The following LRP2BP variants were observed in gnomAD, a reference collection of about 807,000 sequenced individuals.
LRP2BP encodes the protein LRP2 binding protein.
A neutral mutation model predicts 45.2 loss-of-function variants in LRP2BP; 38 were observed. The ratio of observed to expected loss-of-function variants is 0.84; its 90% CI spans 0.65 to 1.10. The LOEUF (loss-of-function observed/expected upper bound fraction) is 1.10. Among genes scored for constraint, LRP2BP ranks in the 50% least tolerant of loss-of-function variants. The pLI, the probability that LRP2BP is intolerant of heterozygous loss-of-function variation, is 0.00. For missense variants in LRP2BP, 385 were observed against 418.9 expected, an observed-to-expected ratio of 0.92 and a Z score of 0.71; for synonymous variants, 153 against 153.9, an observed-to-expected ratio of 0.99 and a Z score of 0.04.
intron 2 of LRP2BP, chr4:185,377,370 T>G (rs1368662982): frequency 1.0e-5 from 2 of 199,734 alleles, no homozygotes; most frequent in African/African-American, 2.3e-5. Context: ...AATGCAAAAT[T>G]AGCAGGGCGT....
chr4:185,396,805 A>G (rs575553162), upstream of LRP2BP: 2 of 1,123,194 alleles, frequency 1.8e-6, no homozygotes, highest in South Asian at 1.3e-5. Flanking sequence ...CGGAAGTCCC[A>G]GCGGTCTTTA....
At chr4:185,375,455 C>CAAAAAAAAAAAA (rs1193760497) in intron 4 of LRP2BP, among the ~76,000 whole-genome samples, 158 bp downstream of exon 4, 3 of 14,774 alleles carry the variant, frequency 2.0e-4, no homozygotes, top group African/African-American at 4.4e-4. Flanking sequence ...GACTCCGTCT[C>CAAAAAAAAAAAA]AAAAAAAAAA....
At chr4:185,396,824 C>A, upstream of LRP2BP, 5 of 1,310,900 alleles carry the variant, frequency 3.8e-6, no homozygotes, top group Non-Finnish European at 5.4e-6. Context: ...TAAATTCTCC[C>A]GTGCTAGGGC....
chr4:185,397,088 C>T, upstream of LRP2BP: 2 of 1,608,962 alleles, frequency 1.2e-6, no homozygotes, highest in Non-Finnish European at 1.7e-6. Context: ...AGGTTTCCAG[C>T]CCGGAGGGGC....
chr4:185,374,271 G>T, intron 5 of LRP2BP, 31 bp from the exon 6 acceptor site: 5 of 1,613,942 alleles, frequency 3.1e-6, no homozygotes, highest in Non-Finnish European at 4.2e-6. Context: ...TGTTATTCTC[G>T]GTTTCAGCAT....
At chr4:185,396,687 A>G (rs997417634), upstream of LRP2BP, 4 of 526,998 alleles carry the variant, frequency 7.6e-6, no homozygotes, top group Admixed American at 3.7e-5. Flanking sequence ...TCCACGTGCC[A>G]GTGTTTGTGT....
intron 1 of LRP2BP, chr4:185,378,621 A>T: frequency 2.0e-6 from 2 of 989,908 alleles, no homozygotes; most frequent in Non-Finnish European, 2.4e-6. Context: ...TCCATTTCAA[A>T]TTAAAGCACT....
chr4:185,384,509 T>C (rs2095464710), intron 1 of LRP2BP, among the ~76,000 whole-genome samples: 1 of 152,012 alleles, frequency 6.6e-6, no homozygotes, highest in South Asian at 2.1e-4. Flanking sequence ...CTGATGCTTC[T>C]GACTGGCTCT....
intron 3 of LRP2BP, 31 bp downstream of exon 3, chr4:185,376,878 G>A: frequency 6.7e-7 from 1 of 1,490,984 alleles, no homozygotes; most frequent in Non-Finnish European, 9.3e-7. Flanking sequence ...AGAATTACAG[G>A]AAATGAAAAC....
At chr4:185,388,593 T>A (rs920060268) in intron 1 of LRP2BP, among the ~76,000 whole-genome samples, 1 of 152,238 alleles carries the variant, frequency 6.6e-6, no homozygotes, top group African/African-American at 2.4e-5. Flanking sequence ...CTTTTTCTTC[T>A]TCTACCTGAC....
chr4:185,374,431 G>T lies in LRP2BP; in HGVS notation c.361C>A (p.Leu121Ile), dbSNP rs770617049. Reference sequence around the variant, plus strand: ...CTTGCTTTGGGACATGGAGAATCAAGAATTTTCTTCATATAGTCCACCCCT... The same window carrying T: ...CTTGCTTTGGGACATGGAGAATCAATAATTTTCTTCATATAGTCCACCCCT... Reference protein sequence around the residue: ...EKGVDYMKKILDSPCPKARHL... With the variant: ...EKGVDYMKKIIDSPCPKARHL... Residue 121 changes from leucine (L) to isoleucine (I), a missense_variant, in exon 5 of 9, where the codon CTT becomes ATT. Physicochemically the swap from Leu to Ile is conservative, Grantham distance 5 (BLOSUM62 2). Transcript: ENST00000505916. The T allele has an allele frequency of 6.2e-7, 1 of 1,613,980 alleles. No individual in the cohort carries two copies. The highest frequency in any genetic ancestry group is 1.1e-5 in the South Asian group (1 of 91,078).
chr4:185,377,427 A>G (rs1339740857), intron 2 of LRP2BP: 1 of 167,684 alleles, frequency 6.0e-6, no homozygotes, highest in Non-Finnish European at 1.3e-5. Flanking sequence ...CTCAGGCAGG[A>G]GAATAGCTTG....
rs779623755 is a variant in LRP2BP at position 185,370,702 on chromosome 4, A to G, written c.916T>C (p.Cys306Arg). Residue 306 changes from cysteine to arginine, a missense_variant, in exon 8 of 9, where the codon TGT becomes CGT. Cys to Arg is a radical substitution (Grantham distance 180, BLOSUM62 -3). Coordinates refer to ENST00000505916, the MANE Select transcript of LRP2BP (RefSeq NM_001377440.1). ...GTGATGCCCAAGCCAAGCTGAAGAC[A>G]CCTTGCGTGGTAGAAGGATGCCATT... ...MAMASFYHAR[C>R]LQLGLGITRD... is the part of the protein sequence containing the mutation. 19 of 1,613,928 alleles carry G rather than the reference A, an allele frequency of 1.2e-5. No homozygotes were observed. In the Admixed American group the frequency reaches 1.7e-4, roughly 14 times the overall value.
chr4:185,395,089 A>C lies in LRP2BP; in HGVS notation c.-332T>G. On this transcript the variant is annotated 5_prime_UTR_variant, in exon 1 of 9. Transcript: ENST00000505916. The stretch of plus-strand genomic sequence containing the variant: ...AAGTCAGATATCCAGCTGAGATACA[A>C]CTTTTTTTTCTGAAAACAATGTGAG... The C allele has an allele frequency of 2.3e-6, 2 of 851,460 alleles. No individual in the cohort carries two copies. The highest frequency in any genetic ancestry group is 2.9e-4 in the East Asian group (1 of 3,446). The allele number at this position is 851,460 out of a possible 1,614,324, so 52.7% of individuals were successfully genotyped here.
At chr4:185,374,007 C>T in intron 6 of LRP2BP, 128 bp downstream of exon 6, 1 of 757,148 alleles carries the variant, frequency 1.3e-6, no homozygotes, top group Non-Finnish European at 2.1e-6. Flanking sequence ...AAAATGTATG[C>T]TTTCTTTACA....
chr4:185,388,720 GTCTT>G (rs1395961279), intron 1 of LRP2BP, among the ~76,000 whole-genome samples: 1 of 152,058 alleles, frequency 6.6e-6, no homozygotes, highest in African/African-American at 2.4e-5. Flanking sequence ...TTCATCTACT[GTCTT>G]TATATTGTTT....
chr4:185,375,202 G>A (rs755662305), intron 4 of LRP2BP, among the ~76,000 whole-genome samples: 4 of 150,424 alleles, frequency 2.7e-5, no homozygotes, highest in African/African-American at 7.3e-5. Context: ...CAGCCTCCCA[G>A]GTAGCTGGGA....
chr4:185,370,609 G>A (rs765148349), intron 8 of LRP2BP, 31 bp downstream of exon 8: 1 of 1,602,322 alleles, frequency 6.2e-7, no homozygotes, highest in South Asian at 1.1e-5. Flanking sequence ...GTTTCTCTTT[G>A]GGTGAATTTA....
intron 6 of LRP2BP, 136 bp downstream of exon 6, chr4:185,373,999 A>C (rs964037333): frequency 2.7e-6 from 2 of 732,210 alleles, no homozygotes; most frequent in African/African-American, 3.6e-5. Flanking sequence ...GAGATCCTAA[A>C]ATGTATGCTT....
Sources: allele counts gnomAD v4.1 joint callset (sites outside exome capture counted in the v4.1 genomes callset), GRCh38; gene constraint gnomAD v4.1.1; transcripts MANE v1.5; gene names NCBI Gene and HGNC (gene_info 2026-07-23, HGNC 2026-07-21).